NPAS2: variants seen among roughly 807,000 people sequenced by gnomAD.
The protein encoded by NPAS2 is neuronal PAS domain-containing protein 2.
NPAS2 carries 23 observed loss-of-function variants against 107.5 expected under a neutral mutation model. The observed-to-expected ratio is 0.21, with a 90% CI of 0.15 to 0.30. The LOEUF (loss-of-function observed/expected upper bound fraction) is 0.30. Among genes scored for constraint, NPAS2 ranks in the 10% least tolerant of loss-of-function variants. The pLI is 1.00. For synonymous variants in NPAS2, 403 were observed against 417.5 expected (o/e 0.97, Z 0.42); for missense variants, 756 against 1,043.3 (o/e 0.72, Z 3.79).
At chr2:100,829,661 C>T (rs1158353929) in intron 1 of NPAS2, among the ~76,000 whole-genome samples, 1 of 152,084 alleles carries the variant, frequency 6.6e-6, no homozygotes, top group African/African-American at 2.4e-5. Flanking sequence ...TTTCTGTTGC[C>T]TGATTACTCT....
intron 1 of NPAS2, among the ~76,000 whole-genome samples, chr2:100,869,784 C>T (rs545827212): frequency 6.6e-6 from 1 of 152,222 alleles, no homozygotes; most frequent in East Asian, 1.9e-4. Context: ...GCCTTATCCA[C>T]ACAATATCAA....
chr2:100,838,738 G>A (rs1677216221), intron 1 of NPAS2, among the ~76,000 whole-genome samples: 1 of 152,188 alleles, frequency 6.6e-6, no homozygotes, highest in Non-Finnish European at 1.5e-5. Context: ...TCTCAAAGGG[G>A]TGTTCATAAT....
intron 3 of NPAS2, among the ~76,000 whole-genome samples, chr2:100,932,648 A>G (rs912095659): frequency 6.6e-6 from 1 of 151,130 alleles, no homozygotes; most frequent in Non-Finnish European, 1.5e-5. Context: ...ATTCAGGGCC[A>G]TGGTACCACC....
At chr2:100,992,903 A>T (rs1038078633) in intron 19 of NPAS2, among the ~76,000 whole-genome samples, 1 of 134,796 alleles carries the variant, frequency 7.4e-6, no homozygotes, top group Non-Finnish European at 1.7e-5. Context: ...GATAGTGTTG[A>T]TAGTGTCTTT....
At chr2:100,890,072 T>TGG (rs1367494485) in intron 1 of NPAS2, among the ~76,000 whole-genome samples, 3 of 152,048 alleles carry the variant, frequency 2.0e-5, no homozygotes, top group Non-Finnish European at 4.4e-5. Context: ...GGGAGTGAAA[T>TGG]GGGCACCCTC....
At chr2:100,959,100 AAAAAAAAAAC>A (rs1558911976) in intron 7 of NPAS2, among the ~76,000 whole-genome samples, 18 of 143,680 alleles carry the variant, frequency 1.3e-4, no homozygotes, top group Non-Finnish European at 1.9e-4. Flanking sequence ...AAAAAAAAAA[AAAAAAAAAAC>A]AAAACTAAAA....
At position 100,901,077 on chromosome 2, in the gene NPAS2, C is replaced by T. The variant is rs1332054281; in HGVS notation, c.-22-3656C>T. Among the ~76,000 whole-genome samples the T allele has an allele frequency of 2.0e-5, 3 of 152,114 alleles. No homozygotes were observed. In the East Asian group the frequency reaches 5.8e-4, roughly 29 times the overall value. On this transcript the variant is annotated intron_variant, in intron 1 of 20. Transcript: ENST00000335681. ...TTCTACATTTATTAATTGGAATCTT[C>T]TGTAAGAGGAAGCTGTCTCCCTCCC...
chr2:100,914,216 T>C (rs1417578810), intron 2 of NPAS2, among the ~76,000 whole-genome samples: 1 of 152,194 alleles, frequency 6.6e-6, no homozygotes, highest in East Asian at 1.9e-4. Context: ...CTCTCCTGCC[T>C]TGCATTATGT....
chr2:100,854,537 G>A (rs146900787), intron 1 of NPAS2, among the ~76,000 whole-genome samples: 2,346 of 152,262 alleles, frequency 0.015, 31 homozygotes, highest in Middle Eastern at 0.061. Flanking sequence ...GAAAGAGAAA[G>A]CATTTTCCCC....
chr2:100,900,221 G>A (rs953414002), intron 1 of NPAS2, among the ~76,000 whole-genome samples: 3 of 152,136 alleles, frequency 2.0e-5, no homozygotes, highest in Non-Finnish European at 4.4e-5. Flanking sequence ...CTTGTACCTG[G>A]TAGAGATAAA....
At chr2:100,943,181 G>A (rs1002064576) in intron 5 of NPAS2, among the ~76,000 whole-genome samples, 4 of 152,222 alleles carry the variant, frequency 2.6e-5, no homozygotes, top group Non-Finnish European at 5.9e-5. Flanking sequence ...AGGTGGAGAC[G>A]TCGCAGTGCT....
chr2:100,911,155 A>G lies in NPAS2; in HGVS notation c.32+6369A>G, dbSNP rs77840838. 6.5e-3 allele frequency among the ~76,000 whole-genome samples: 989 copies of G among 152,362 alleles called. 57 individuals carry two copies. In the East Asian group the frequency reaches 0.15, roughly 23 times the overall value. On this transcript the variant is annotated intron_variant, in intron 2 of 20. Coordinates refer to ENST00000335681, the MANE Select transcript of NPAS2 (RefSeq NM_002518.4). ...CATTAAAGATGCTAAGACTGCAATT[A>G]GCAAATAACCAAAAATCATACAATC...
chr2:100,956,332 C>T (rs781291692), intron 7 of NPAS2, among the ~76,000 whole-genome samples: 6 of 152,144 alleles, frequency 3.9e-5, no homozygotes, highest in Non-Finnish European at 8.8e-5. Flanking sequence ...GACAGGCAGC[C>T]AGCCCCTCAG....
chr2:100,991,109 C>T (rs1678093717), intron 19 of NPAS2, among the ~76,000 whole-genome samples: 1 of 152,218 alleles, frequency 6.6e-6, no homozygotes, highest in South Asian at 2.1e-4. Context: ...AAACAATTCA[C>T]ACCCCACCGT....
chr2:100,832,507 G>A (rs1397611743), intron 1 of NPAS2, among the ~76,000 whole-genome samples: 5 of 152,132 alleles, frequency 3.3e-5, no homozygotes, highest in African/African-American at 7.2e-5. Context: ...AAGGTGGTGC[G>A]CTCCAGTGTG....
intron 3 of NPAS2, among the ~76,000 whole-genome samples, chr2:100,931,138 C>G (rs968274647): frequency 4.6e-5 from 7 of 152,200 alleles, no homozygotes; most frequent in Non-Finnish European, 8.8e-5. Flanking sequence ...ATGCTGCATT[C>G]CACCATGTGC....
At chr2:100,949,538 TG>T in intron 7 of NPAS2, 58 bp downstream of exon 7, 3 of 1,008,898 alleles carry the variant, frequency 3.0e-6, no homozygotes, top group South Asian at 1.3e-5. Flanking sequence ...AACGTGCACA[TG>T]GGGGCATTAA....
intron 1 of NPAS2, among the ~76,000 whole-genome samples, chr2:100,899,613 T>C (rs1229680100): frequency 4.6e-5 from 7 of 152,196 alleles, no homozygotes; most frequent in Non-Finnish European, 1.0e-4. Context: ...GGTGTGGGGA[T>C]AAGGGAACTT....
At chr2:100,978,417 T>C (rs1677171628) in intron 15 of NPAS2, among the ~76,000 whole-genome samples, 2 of 151,988 alleles carry the variant, frequency 1.3e-5, no homozygotes, top group South Asian at 4.1e-4. Flanking sequence ...GACTCCAAAT[T>C]GGCCATGGTA....
Sources: allele counts gnomAD v4.1 joint callset (sites outside exome capture counted in the v4.1 genomes callset), GRCh38; gene constraint gnomAD v4.1.1; transcripts MANE v1.5; gene names NCBI Gene and HGNC (gene_info 2026-07-23, HGNC 2026-07-21).